NDC1: variants seen among roughly 807,000 people sequenced by gnomAD.
The protein encoded by NDC1 is nucleoporin NDC1.
Under a neutral mutation model 89.8 loss-of-function variants are expected in NDC1, and 24 were observed. That is an observed-to-expected ratio of 0.27 (90% CI 0.19 to 0.38). The LOEUF (loss-of-function observed/expected upper bound fraction) is 0.38, where lower values mean the gene tolerates loss of function less well. Among genes scored for constraint, NDC1 ranks in the 10% least tolerant of loss-of-function variants. The pLI is 1.00. For missense variants in NDC1, 728 were observed against 797.6 expected (o/e 0.91, Z 1.05); for synonymous variants, 296 against 284.8 (o/e 1.04, Z -0.39).
intron 17 of NDC1, among the ~76,000 whole-genome samples, chr1:53,772,112 T>C (rs1308711929): frequency 6.6e-5 from 10 of 152,152 alleles, no homozygotes; most frequent in Admixed American, 6.6e-4. Context: ...ACTTTCTGTC[T>C]TCTTTTGTCC....
At chr1:53,768,443 T>C (rs980453146) in intron 17 of NDC1, among the ~76,000 whole-genome samples, 2 of 152,222 alleles carry the variant, frequency 1.3e-5, no homozygotes, top group Non-Finnish European at 2.9e-5. Context: ...TCTAAAATGT[T>C]TGGTTAAAAC....
intron 6 of NDC1, among the ~76,000 whole-genome samples, chr1:53,814,199 A>G (rs978715220): frequency 6.6e-6 from 1 of 152,064 alleles, no homozygotes; most frequent in Non-Finnish European, 1.5e-5. Flanking sequence ...TAAAAATACA[A>G]AAAAATGTAG....
rs17849721 is a variant in NDC1 at position 53,825,931 on chromosome 1, C to T, written c.461G>A (p.Gly154Asp). 3 of 1,610,776 alleles carry T rather than the reference C, an allele frequency of 1.9e-6. No homozygotes were observed. The highest frequency in any genetic ancestry group is 1.1e-5 in the South Asian group (1 of 89,990). ...VVPCTGTNSF[G>D]SPAAQTCLNE... ...TAAGCAGGTTTGCGCAGCAGGGCTA[C>T]CAAAGCTGAAGGGAAAAAATTAAGT... The change falls in exon 5 of 18, where the codon GGT becomes GAT. Residue 154 changes from glycine (G) to aspartate (D), a missense_variant. Transcript: ENST00000371429.
chr1:53,795,707 G>T lies in NDC1; in HGVS notation c.1584+982C>A, dbSNP rs1002748968. Among the ~76,000 whole-genome samples, 6 of 152,204 alleles carry T rather than the reference G, an allele frequency of 3.9e-5. No individual in the cohort carries two copies. The Middle Eastern group carries it at 0.014, about 345-fold the overall frequency. On this transcript the variant is annotated intron_variant, in intron 13 of 17. Transcript: ENST00000371429. ...CCCCACCACTACCACTCTGGTCCCAGATACCACCATCTCCCACTAGATTAC... is the reference window on the plus strand; with the variant it reads ...CCCCACCACTACCACTCTGGTCCCATATACCACCATCTCCCACTAGATTAC...
intron 11 of NDC1, among the ~76,000 whole-genome samples, chr1:53,799,929 T>C (rs1647848561): frequency 6.6e-6 from 1 of 152,188 alleles, no homozygotes; most frequent in South Asian, 2.1e-4. Context: ...GGTACTAACA[T>C]TATGCCCCAC....
At chr1:53,826,104 C>A (rs530660604) in intron 4 of NDC1, among the ~76,000 whole-genome samples, 168 bp from the exon 5 acceptor site, 2 of 152,302 alleles carry the variant, frequency 1.3e-5, no homozygotes, top group South Asian at 4.1e-4. Flanking sequence ...ATTAACAAAA[C>A]CTTTTTTCCT....
At chr1:53,783,189 T>C (rs1002565871) in intron 16 of NDC1, among the ~76,000 whole-genome samples, 3 of 151,714 alleles carry the variant, frequency 2.0e-5, no homozygotes, top group African/African-American at 7.3e-5. Context: ...AAATGGGTAG[T>C]GAAGAGGAGG....
At chr1:53,796,605 T>A in intron 13 of NDC1, 84 bp downstream of exon 13, 1 of 795,408 alleles carries the variant, frequency 1.3e-6, no homozygotes, top group Admixed American at 3.1e-5. Context: ...AAAAGCTTCT[T>A]ATTCCTGATG....
intron 11 of NDC1, among the ~76,000 whole-genome samples, chr1:53,799,697 C>T (rs1350729279): frequency 1.3e-5 from 2 of 152,184 alleles, no homozygotes; most frequent in Non-Finnish European, 2.9e-5. Flanking sequence ...TAACCAACAG[C>T]TTCCCCCTTC....
intron 13 of NDC1, among the ~76,000 whole-genome samples, chr1:53,795,367 T>C (rs1647662199): frequency 6.6e-6 from 1 of 152,154 alleles, no homozygotes; most frequent in Non-Finnish European, 1.5e-5. Context: ...GCCCAGAACT[T>C]TCCCCTACAC....
intron 5 of NDC1, among the ~76,000 whole-genome samples, chr1:53,819,614 A>G (rs1648594543): frequency 6.6e-6 from 1 of 152,262 alleles, no homozygotes; most frequent in South Asian, 2.1e-4. Context: ...AGAGCCTCCA[A>G]TCTTAAAGAT....
At chr1:53,789,657 G>A (rs1647418966) in intron 14 of NDC1, among the ~76,000 whole-genome samples, 1 of 151,936 alleles carries the variant, frequency 6.6e-6, no homozygotes, top group Non-Finnish European at 1.5e-5. Context: ...AAATTAGCTG[G>A]GCGTGGTGGC....
intron 3 of NDC1, among the ~76,000 whole-genome samples, chr1:53,830,621 AAGGCCGAGGC>A (rs1649028064): frequency 6.6e-6 from 1 of 151,812 alleles, no homozygotes; most frequent in African/African-American, 2.4e-5. Context: ...AACACTTTGG[AAGGCCGAGGC>A]AGGCCGATCA....
intron 3 of NDC1, among the ~76,000 whole-genome samples, chr1:53,831,734 G>T (rs891934707): frequency 1.3e-5 from 2 of 151,704 alleles, no homozygotes; most frequent in South Asian, 2.1e-4. Context: ...GCTTCTTATT[G>T]TATCTTTTTT....
At position 53,832,381 on chromosome 1, in the gene NDC1, C is replaced by T. The variant is rs564183169; in HGVS notation, c.280+109G>A. The T allele has an allele frequency of 3.4e-4, 212 of 617,762 alleles. 5 individuals carry two copies. In the South Asian group the frequency reaches 4.3e-3, roughly 12 times the overall value. The allele number at this position is 617,762 out of a possible 1,614,324, so 38.3% of individuals were successfully genotyped here. On this transcript the variant is annotated intron_variant, in intron 3 of 17. Coordinates refer to ENST00000371429, the MANE Select transcript of NDC1 (RefSeq NM_018087.5). ...CATTTGAAGCATATGATTCTGTATACGTTTTTAAATTTTTGACACAAAACA... is the reference window on the plus strand; with the variant it reads ...CATTTGAAGCATATGATTCTGTATATGTTTTTAAATTTTTGACACAAAACA...
At chr1:53,796,508 T>C (rs181045242) in intron 13 of NDC1, among the ~76,000 whole-genome samples, 181 bp downstream of exon 13, 1 of 150,700 alleles carries the variant, frequency 6.6e-6, no homozygotes, top group Non-Finnish European at 1.5e-5. Context: ...GGTCAAGTCA[T>C]ATGAAATTAC....
intron 5 of NDC1, 111 bp downstream of exon 5, chr1:53,825,687 G>T: frequency 1.1e-6 from 1 of 889,322 alleles, no homozygotes; most frequent in Non-Finnish European, 1.7e-6. Flanking sequence ...AGTTCTAAGT[G>T]TTGGTTATCA....
Position 53,800,914 on chromosome 1 carries a change from A to G in NDC1, c.1067-66T>C, listed in dbSNP as rs1647890428. ...TTACATTCCCCTCTTGAAGTGGGGG[A>G]AAAAGTCAGTAAGAAATTCTACATT... On this transcript the variant is annotated intron_variant, in intron 10 of 17. Coordinates refer to ENST00000371429, the MANE Select transcript of NDC1 (RefSeq NM_018087.5). 6.3e-6 allele frequency: 9 copies of G among 1,435,724 alleles called. No homozygotes were observed. In the South Asian group the frequency reaches 9.8e-5, roughly 16 times the overall value. The allele number at this position is 1,435,724 out of a possible 1,614,324, so 88.9% of individuals were successfully genotyped here. A position where few individuals can be genotyped will look rare whatever the true frequency, so the allele number is the denominator to read the frequency against.
At chr1:53,827,670 T>G (rs1469134709) in intron 4 of NDC1, among the ~76,000 whole-genome samples, 3 of 152,206 alleles carry the variant, frequency 2.0e-5, no homozygotes, top group Non-Finnish European at 2.9e-5. Flanking sequence ...TTTCTGAACC[T>G]CCACAGGTTT....
Sources: allele counts gnomAD v4.1 joint callset (sites outside exome capture counted in the v4.1 genomes callset), GRCh38; gene constraint gnomAD v4.1.1; transcripts MANE v1.5; gene names NCBI Gene and HGNC (gene_info 2026-07-23, HGNC 2026-07-21).